ALCAM: variants seen among roughly 807,000 people sequenced by gnomAD.
ALCAM encodes CD166 antigen.
In ALCAM, 30 loss-of-function variants were observed where a neutral mutation model predicts 70.9. The ratio of observed to expected loss-of-function variants is 0.42; its 90% CI spans 0.32 to 0.57. The LOEUF (loss-of-function observed/expected upper bound fraction) is 0.57. Among genes scored for constraint, ALCAM ranks in the 20% least tolerant of loss-of-function variants. The pLI is 0.11. For missense variants in ALCAM, 591 were observed against 695.1 expected (o/e 0.85, Z 1.68); for synonymous variants, 249 against 242.5 (o/e 1.03, Z -0.25).
At chr3:105,386,862 A>G (rs114112010) in intron 1 of ALCAM, among the ~76,000 whole-genome samples, 196 of 151,600 alleles carry the variant, frequency 1.3e-3, no homozygotes, top group Non-Finnish European at 2.4e-3. Context: ...ATATTCCCCA[A>G]TGTTTGGAAT....
chr3:105,413,859 A>G (rs1039736780), intron 1 of ALCAM, among the ~76,000 whole-genome samples: 1 of 152,170 alleles, frequency 6.6e-6, no homozygotes, highest in Non-Finnish European at 1.5e-5. Flanking sequence ...CACTCACTAA[A>G]TGGAAGAATA....
At chr3:105,507,555 G>A (rs981450555) in intron 1 of ALCAM, among the ~76,000 whole-genome samples, 3 of 151,972 alleles carry the variant, frequency 2.0e-5, no homozygotes, top group East Asian at 3.9e-4. Context: ...CTTTTACTTC[G>A]CAGTATGCAT....
chr3:105,479,250 C>T (rs1456767296), intron 1 of ALCAM, among the ~76,000 whole-genome samples: 1 of 152,048 alleles, frequency 6.6e-6, no homozygotes, highest in East Asian at 1.9e-4. Flanking sequence ...GTAATTTTCT[C>T]TTCTAGTCAT....
intron 1 of ALCAM, among the ~76,000 whole-genome samples, chr3:105,462,934 C>A (rs1222955918): frequency 6.6e-6 from 1 of 151,446 alleles, no homozygotes; most frequent in East Asian, 1.9e-4. Flanking sequence ...ATTAGCTATG[C>A]ACTCTCTAAA....
Position 105,534,812 on chromosome 3 carries a change from A to G in ALCAM, c.697A>G (p.Ile233Val). The G allele has an allele frequency of 6.2e-7, 1 of 1,613,634 alleles. No individual in the cohort carries two copies. Among genetic ancestry groups the G allele is most frequent in the Non-Finnish European group, 8.5e-7 (1 of 1,179,724 alleles). Residue 233 changes from isoleucine (I) to valine (V), a missense_variant, in exon 6 of 16, where the codon ATT (isoleucine) becomes GTT (valine). Physicochemically the swap from Ile to Val is conservative, Grantham distance 29. This residue lies in a region of ALCAM where 427 missense variants were observed against 450.4 expected (regional missense o/e 0.95). Transcript: ENST00000306107. ...TTATGGACCATCTGGCCAGAAAACA[A>G]TTCATTCTGAACAGGCAGTATTTGA... ...TYYGPSGQKTIHSEQAVFDIY... is the reference protein window; with the variant it reads ...TYYGPSGQKTVHSEQAVFDIY...
chr3:105,510,313 T>G (rs1939204744), intron 1 of ALCAM, among the ~76,000 whole-genome samples: 1 of 151,900 alleles, frequency 6.6e-6, no homozygotes, highest in Non-Finnish European at 1.5e-5. Context: ...CTCATAGGAG[T>G]CTCTTGTAAC....
chr3:105,457,395 C>A lies in ALCAM; in HGVS notation c.74-62672C>A, dbSNP rs1026878517. ...ACTTATAGAGGGGAACACTCTGGGC[C>A]TATTAGAAGGAGGAGGGTGGGAGGA... On this transcript the variant is annotated intron_variant, in intron 1 of 15. Coordinates refer to ENST00000306107, the MANE Select transcript of ALCAM (RefSeq NM_001627.4). 2.6e-5 allele frequency among the ~76,000 whole-genome samples: 4 copies of A among 151,888 alleles called. No individual in the cohort carries two copies. The South Asian group carries it at 8.3e-4, about 32-fold the overall frequency.
chr3:105,508,291 T>G (rs1352681459), intron 1 of ALCAM, among the ~76,000 whole-genome samples: 1 of 152,188 alleles, frequency 6.6e-6, no homozygotes, highest in Non-Finnish European at 1.5e-5. Flanking sequence ...GAATCATTTT[T>G]TGTATATCTA....
intron 3 of ALCAM, among the ~76,000 whole-genome samples, chr3:105,526,483 C>G (rs983656796): frequency 5.3e-5 from 8 of 152,046 alleles, no homozygotes; most frequent in African/African-American, 1.9e-4. Context: ...GCCAACACCC[C>G]CCTACTCCCT....
intron 1 of ALCAM, among the ~76,000 whole-genome samples, chr3:105,378,707 C>T (rs996775206): frequency 2.1e-4 from 32 of 150,430 alleles, no homozygotes; most frequent in African/African-American, 6.6e-4. Flanking sequence ...ATGGCAAATA[C>T]GTATCTGTTT....
At chr3:105,518,975 T>C (rs1030923654) in intron 1 of ALCAM, among the ~76,000 whole-genome samples, 3 of 152,088 alleles carry the variant, frequency 2.0e-5, no homozygotes, top group Non-Finnish European at 4.4e-5. Flanking sequence ...AGTCAGAAGA[T>C]GGTTTTATTT....
chr3:105,442,471 A>G (rs528358151), intron 1 of ALCAM, among the ~76,000 whole-genome samples: 123 of 152,326 alleles, frequency 8.1e-4, no homozygotes, highest in Non-Finnish European at 1.4e-3. Flanking sequence ...AAAAAGAGCG[A>G]GAGTTACTCA....
intron 1 of ALCAM, among the ~76,000 whole-genome samples, chr3:105,473,034 G>T (rs189168792): frequency 2.6e-5 from 4 of 151,286 alleles, no homozygotes; most frequent in African/African-American, 9.7e-5. Context: ...TCACATGTTG[G>T]TTGGAAATTT....
chr3:105,524,732 T>C, intron 3 of ALCAM: 1 of 1,289,450 alleles, frequency 7.8e-7, no homozygotes, highest in Non-Finnish European at 9.8e-7. Context: ...AATAATATTC[T>C]CTGTTACTTT....
At chr3:105,510,094 C>T (rs769024497) in intron 1 of ALCAM, among the ~76,000 whole-genome samples, 11 of 151,738 alleles carry the variant, frequency 7.2e-5, no homozygotes, top group Non-Finnish European at 1.2e-4. Context: ...ATTTAACATA[C>T]AAAGAATGTA....
Position 105,574,865 on chromosome 3 carries a change from T to C in ALCAM, c.*414T>C. On this transcript the variant is annotated 3_prime_UTR_variant, in exon 16 of 16. Coordinates refer to ENST00000306107, the MANE Select transcript of ALCAM (RefSeq NM_001627.4). ...TTATTTCAATTGTTTATATGGATAA[T>C]CTGAGCAGGTACATTTCTGATTCTG... The C allele has an allele frequency of 6.6e-6, 1 of 152,618 alleles. No homozygotes were observed. Among genetic ancestry groups the C allele is most frequent in the Non-Finnish European group, 1.5e-5 (1 of 68,034 alleles). 9.5% of individuals were successfully genotyped at this position (152,618 alleles called of 1,614,324 possible).
intron 1 of ALCAM, among the ~76,000 whole-genome samples, chr3:105,480,029 C>A (rs1382066650): frequency 6.6e-6 from 1 of 152,088 alleles, no homozygotes; most frequent in African/African-American, 2.4e-5. Flanking sequence ...TTGGCATAAT[C>A]TGTTAACAAA....
At chr3:105,563,959 C>T (rs553440033) in intron 14 of ALCAM, among the ~76,000 whole-genome samples, 8 of 151,834 alleles carry the variant, frequency 5.3e-5, no homozygotes, top group Middle Eastern at 3.4e-3. Flanking sequence ...AGTGCTGGGA[C>T]TACAGGCGTG....
intron 6 of ALCAM, among the ~76,000 whole-genome samples, chr3:105,536,423 T>A (rs1559825763): frequency 6.6e-6 from 1 of 152,064 alleles, no homozygotes; most frequent in Non-Finnish European, 1.5e-5. Context: ...AATATTCAAT[T>A]GGAAATAAAC....
Sources: gnomAD v4.1 joint callset for allele counts (sites outside exome capture counted in the v4.1 genomes callset) on GRCh38, gnomAD v4.1.1 for gene constraint, gnomAD v4.1.1 regional missense constraint, MANE v1.5 for transcripts, NCBI Gene and HGNC (gene_info 2026-07-23, HGNC 2026-07-21) for gene names.